The following AKAP6 variants were observed in gnomAD, a reference collection of about 807,000 sequenced individuals.
AKAP6 encodes A-kinase anchor protein 6.
AKAP6 carries 58 observed loss-of-function variants against 188.5 expected under a neutral mutation model. The observed-to-expected ratio is 0.31, with a 90% CI of 0.25 to 0.38. The LOEUF (loss-of-function observed/expected upper bound fraction) is 0.38. AKAP6 is among the 10% of genes least tolerant of loss of function. The pLI is 1.00. For missense variants in AKAP6, 2,710 were observed against 2,740.0 expected, an observed-to-expected ratio of 0.99 and a Z score of 0.24; for synonymous variants, 989 against 998.6, an observed-to-expected ratio of 0.99 and a Z score of 0.18.
chr14:32,585,551 AG>A (rs1345876175), intron 5 of AKAP6, among the ~76,000 whole-genome samples: 1 of 152,014 alleles, frequency 6.6e-6, no homozygotes, highest in Non-Finnish European at 1.5e-5. Context: ...GTGGTTATTT[AG>A]GTGCTAGGAA....
At chr14:32,709,962 T>C (rs144149616) in intron 9 of AKAP6, among the ~76,000 whole-genome samples, 41 of 152,190 alleles carry the variant, frequency 2.7e-4, no homozygotes, top group African/African-American at 8.9e-4. Context: ...TCCTCTTTTG[T>C]AGCAGAAAAT....
chr14:32,398,863 T>G lies in AKAP6; in HGVS notation c.-34-34597T>G, dbSNP rs1159742067. 2.8e-5 allele frequency among the ~76,000 whole-genome samples: 4 copies of G among 143,980 alleles called. No homozygotes were observed. The East Asian group carries it at 5.9e-4, about 21-fold the overall frequency. 94.5% of individuals were successfully genotyped at this position (143,980 alleles called of 152,430 possible). A position where few individuals can be genotyped will look rare whatever the true frequency, so the allele number is the denominator to read the frequency against. On this transcript the variant is annotated intron_variant, in intron 1 of 13. Transcript: ENST00000280979. ...CTTCCTGTTTTTTTTTTTTTTTTTT[T>G]TTTTTTTTGATGGAGTCTTTCTCTG...
intron 12 of AKAP6, among the ~76,000 whole-genome samples, chr14:32,792,730 A>G (rs564148958): frequency 1.3e-5 from 2 of 152,330 alleles, no homozygotes; most frequent in South Asian, 4.1e-4. Flanking sequence ...GCTTTTGCCC[A>G]TTCAATATGA....
In AKAP6 at chr14:32,482,999, A is replaced by ATG. The variant is rs1466607038; in HGVS notation, c.324+49183_324+49184insGT. Among the ~76,000 whole-genome samples the ATG allele has an allele frequency of 5.9e-5, 3 of 51,102 alleles. No homozygotes were observed. The African/African-American group carries it at 6.2e-4, about 11-fold the overall frequency. The allele number at this position is 51,102 out of a possible 152,430, so 33.5% of individuals were successfully genotyped here. ...TGTGTGTGTGTGTGTGTATATATAT[A>ATG]TATATATATATATGTATCTTGCATT... is the stretch of plus-strand genomic sequence containing the variant. On this transcript the variant is annotated intron_variant, in intron 2 of 13. Transcript: ENST00000280979.
chr14:32,540,137 T>G lies in AKAP6; in HGVS notation c.576+4332T>G, dbSNP rs1380617056. On this transcript the variant is annotated intron_variant, in intron 3 of 13. Transcript: ENST00000280979. ...GGGTGTTCTTTGCTCGTGCGCTCTC[T>G]CTCTCTCTCTCTCTCTCTCTCTCTC... Among the ~76,000 whole-genome samples, 4 of 79,002 alleles carry G rather than the reference T, an allele frequency of 5.1e-5. No individual in the cohort carries two copies. In the South Asian group the frequency reaches 1.4e-3, roughly 27 times the overall value. The allele number at this position is 79,002 out of a possible 152,430, so 51.8% of individuals were successfully genotyped here.
intron 8 of AKAP6, among the ~76,000 whole-genome samples, chr14:32,687,821 C>A (rs922157242): frequency 1.3e-5 from 2 of 151,994 alleles, no homozygotes; most frequent in Non-Finnish European, 2.9e-5. Context: ...TGCCTGGCTG[C>A]TTCCTGGATA....
intron 12 of AKAP6, among the ~76,000 whole-genome samples, chr14:32,796,324 A>G (rs1594954139): frequency 6.6e-6 from 1 of 152,362 alleles, no homozygotes; most frequent in East Asian, 1.9e-4. Context: ...AACCAAGACA[A>G]TCCTAAGCAA....
chr14:32,510,475 T>TACATATATATATGTGTATATATATATAC, intron 2 of AKAP6, among the ~76,000 whole-genome samples: 1 of 125,208 alleles, frequency 8.0e-6, no homozygotes, highest in African/African-American at 3.7e-5. Context: ...TATATATATA[T>TACATATATATATGTGTATATATATATAC]ACATATATAT....
intron 1 of AKAP6, among the ~76,000 whole-genome samples, chr14:32,427,956 C>T (rs1249633666): frequency 2.6e-5 from 4 of 152,264 alleles, no homozygotes; most frequent in East Asian, 1.9e-4. Context: ...ATAAGCAGGG[C>T]ACAGAAAGAC....
At chr14:32,804,023 A>G (rs564086599) in intron 12 of AKAP6, among the ~76,000 whole-genome samples, 1 of 152,324 alleles carries the variant, frequency 6.6e-6, no homozygotes, top group African/African-American at 2.4e-5. Context: ...CTACTTTTGT[A>G]TAACTGCAGT....
At chr14:32,574,605 A>C (rs1365832440) in intron 4 of AKAP6, among the ~76,000 whole-genome samples, 1 of 152,210 alleles carries the variant, frequency 6.6e-6, no homozygotes, top group Non-Finnish European at 1.5e-5. Flanking sequence ...TTACATTTCA[A>C]ATAACGTCTT....
At chr14:32,395,691 A>G (rs1888857589) in intron 1 of AKAP6, among the ~76,000 whole-genome samples, 1 of 152,144 alleles carries the variant, frequency 6.6e-6, no homozygotes, top group African/African-American at 2.4e-5. Flanking sequence ...TTATCTAAAA[A>G]CTTACACTTA....
chr14:32,398,783 TCTCTCTC>T (rs1888965181), intron 1 of AKAP6, among the ~76,000 whole-genome samples: 1 of 13,264 alleles, frequency 7.5e-5, no homozygotes, highest in African/African-American at 9.1e-5. Context: ...TTTTCTTTTC[TCTCTCTC>T]TCTCTCTCTC....
chr14:32,585,278 C>T (rs973220706), intron 5 of AKAP6, among the ~76,000 whole-genome samples: 2 of 152,214 alleles, frequency 1.3e-5, no homozygotes, highest in Admixed American at 1.3e-4. Flanking sequence ...TAAGTGAAGT[C>T]AAACCAATAC....
intron 2 of AKAP6, among the ~76,000 whole-genome samples, chr14:32,477,546 G>A (rs73267303): frequency 1.3e-3 from 205 of 152,230 alleles, no homozygotes; most frequent in African/African-American, 4.8e-3. Context: ...CAACTCTTAG[G>A]CAACTTGGCT....
chr14:32,749,586 G>C (rs2300838), intron 11 of AKAP6, among the ~76,000 whole-genome samples: 90,839 of 152,048 alleles, frequency 0.6, 29,876 homozygotes, highest in East Asian at 0.76. Context: ...ATTTCAGCCT[G>C]GATAGCCATA....
chr14:32,571,922 A>C (rs907016929), intron 4 of AKAP6, among the ~76,000 whole-genome samples: 5 of 152,218 alleles, frequency 3.3e-5, no homozygotes, highest in Non-Finnish European at 7.3e-5. Context: ...ACTTTACAGT[A>C]ATCTTTGCTT....
intron 1 of AKAP6, among the ~76,000 whole-genome samples, chr14:32,429,505 T>TC (rs1459119911): frequency 1.3e-5 from 2 of 152,208 alleles, no homozygotes; most frequent in Admixed American, 6.5e-5. Flanking sequence ...AGTATGACCA[T>TC]CCATATATGC....
intron 7 of AKAP6, among the ~76,000 whole-genome samples, chr14:32,611,568 G>A (rs978075254): frequency 1.2e-4 from 18 of 152,142 alleles, no homozygotes; most frequent in African/African-American, 4.3e-4. Context: ...ACTATTGTGT[G>A]AGAATAAAGT....
Sources: gnomAD v4.1 joint callset for allele counts (sites outside exome capture counted in the v4.1 genomes callset) on GRCh38, gnomAD v4.1.1 for gene constraint, MANE v1.5 for transcripts, NCBI Gene and HGNC (gene_info 2026-07-23, HGNC 2026-07-21) for gene names.